The following LSG1 variants were observed in gnomAD, a reference collection of about 807,000 sequenced individuals.
LSG1 encodes the protein large subunit GTPase 1 homolog.
A neutral mutation model predicts 82.6 loss-of-function variants in LSG1; 55 were observed. That is an observed-to-expected ratio of 0.67 (90% CI 0.54 to 0.83). LSG1 has a LOEUF of 0.83. Ranked by LOEUF, LSG1 falls within the 40% of genes least tolerant of loss-of-function variation. The pLI, the probability that LSG1 is intolerant of heterozygous loss-of-function variation, is 0.00. For missense variants in LSG1, 809 were observed against 807.9 expected (o/e 1.00, Z -0.02); for synonymous variants, 272 against 282.5 (o/e 0.96, Z 0.37).
At chr3:194,669,874 T>C (rs1719108224) in intron 2 of LSG1, 135 bp downstream of exon 2, 2 of 983,048 alleles carry the variant, frequency 2.0e-6, no homozygotes, top group Non-Finnish European at 3.0e-6. Context: ...GGAGCTGCAG[T>C]GAGCTGATAT....
intron 11 of LSG1, among the ~76,000 whole-genome samples, chr3:194,646,705 G>C (rs369927101): frequency 1.3e-5 from 2 of 152,166 alleles, no homozygotes; most frequent in East Asian, 3.9e-4. Flanking sequence ...ATTTTTAGTA[G>C]AGATGGGGTT....
intron 7 of LSG1, among the ~76,000 whole-genome samples, chr3:194,653,761 T>C (rs1043843162): frequency 1.3e-5 from 2 of 152,044 alleles, no homozygotes; most frequent in African/African-American, 4.8e-5. Flanking sequence ...CTAGGCCGGG[T>C]GCTACGGCTC....
chr3:194,662,180 G>C (rs936547629), intron 5 of LSG1, among the ~76,000 whole-genome samples: 5 of 152,232 alleles, frequency 3.3e-5, no homozygotes, highest in African/African-American at 1.2e-4. Context: ...TGAACAGTGA[G>C]CTCATAGGTC....
intron 11 of LSG1, among the ~76,000 whole-genome samples, chr3:194,646,777 T>G (rs1718563348): frequency 6.6e-6 from 1 of 152,218 alleles, no homozygotes; most frequent in Admixed American, 6.5e-5. Context: ...CACTTCGGCC[T>G]CCCAAAGTGC....
At chr3:194,652,614 G>T in intron 8 of LSG1, 115 bp downstream of exon 8, 1 of 1,132,254 alleles carries the variant, frequency 8.8e-7, no homozygotes, top group Non-Finnish European at 1.3e-6. Context: ...CAACAAGAGG[G>T]CAATGTTCCC....
intron 7 of LSG1, among the ~76,000 whole-genome samples, chr3:194,656,080 C>A (rs1225618813): frequency 6.6e-6 from 1 of 152,022 alleles, no homozygotes; most frequent in African/African-American, 2.4e-5. Flanking sequence ...CCATTCAGGA[C>A]ACAGGCATGG....
Position 194,659,002 on chromosome 3 carries a change from G to A in LSG1, c.714C>T (p.Phe238=). The A allele has an allele frequency of 6.2e-7, 1 of 1,614,216 alleles. No individual in the cohort carries two copies. Among genetic ancestry groups the A allele is most frequent in the South Asian group, 1.1e-5 (1 of 91,080 alleles). Residue 238 remains phenylalanine (F), a synonymous_variant, in exon 7 of 14, where the codon TTC becomes TTT. Transcript: ENST00000265245. ...YFEKEDVKVI[F]WSALAGAIPL... is the part of the protein sequence containing the mutation. Reference sequence around the variant, plus strand: ...GAATGGCTCCGGCCAAAGCTGACCAGAAAATAACCTTCACATCTTCTTTTT... The same window carrying A: ...GAATGGCTCCGGCCAAAGCTGACCAAAAAATAACCTTCACATCTTCTTTTT...
chr3:194,651,315 G>T, intron 8 of LSG1, 99 bp from the exon 9 acceptor site: 1 of 773,152 alleles, frequency 1.3e-6, no homozygotes, highest in Middle Eastern at 2.6e-4. Flanking sequence ...ATAAGCATCT[G>T]GTTACTTTAG....
chr3:194,646,037 A>G, intron 12 of LSG1, 127 bp downstream of exon 12: 7 of 892,774 alleles, frequency 7.8e-6, no homozygotes, highest in Non-Finnish European at 1.3e-5. Context: ...ACCCTACATC[A>G]AGAACACAAC....
rs186185136 is a variant in LSG1, at chr3:194,644,961, A to G, written c.1624-215T>C. 5.5e-4 allele frequency: 216 copies of G among 393,746 alleles called. 1 individual carries two copies. Among genetic ancestry groups the G allele is most frequent in the African/African-American group, 4.3e-3 (211 of 49,030 alleles). 24.4% of individuals were successfully genotyped at this position (393,746 alleles called of 1,614,324 possible). On this transcript the variant is annotated intron_variant, in intron 12 of 13. Transcript: ENST00000265245. ...CCTAGCTCTTCCCATGGCGCCCCAG[A>G]CTAGGATGAAATCTCTTTCTTCTTT...
In LSG1 at chr3:194,645,585, C is replaced by CACACAGACAG. The variant is rs1560219886; in HGVS notation, c.1623+578_1623+579insCTGTCTGTGT. 9.9e-4 allele frequency among the ~76,000 whole-genome samples: 74 copies of CACACAGACAG among 74,722 alleles called. 6 individuals carry two copies. The highest frequency in any genetic ancestry group is 5.8e-3 in the South Asian group (14 of 2,426). The allele number at this position is 74,722 out of a possible 152,430, so 49.0% of individuals were successfully genotyped here. ...ACACACACACAGACAGACACACACA[C>CACACAGACAG]ACACACACACACACACACACACACA... is the stretch of plus-strand genomic sequence containing the variant. On this transcript the variant is annotated intron_variant, in intron 12 of 13. Transcript: ENST00000265245.
chr3:194,667,942 A>AAATAT (rs1416407494), intron 2 of LSG1, among the ~76,000 whole-genome samples: 1 of 86,962 alleles, frequency 1.1e-5, no homozygotes, highest in Non-Finnish European at 2.0e-5. Context: ...AAAAAAAAAA[A>AAATAT]ATATATATAT....
chr3:194,659,955 G>C (rs1238066377), intron 6 of LSG1, 118 bp downstream of exon 6: 10 of 789,872 alleles, frequency 1.3e-5, no homozygotes, highest in Non-Finnish European at 2.0e-5. Context: ...AGGAGGGAAG[G>C]CCTCACTAAA....
intron 7 of LSG1, among the ~76,000 whole-genome samples, chr3:194,657,643 A>C (rs1320250661): frequency 6.6e-6 from 1 of 152,086 alleles, no homozygotes; most frequent in African/African-American, 2.4e-5. Flanking sequence ...TAACGTATTC[A>C]ATTAGGTGTG....
chr3:194,665,783 C>T (rs538287186), intron 4 of LSG1, 140 bp from the exon 5 acceptor site: 10 of 572,408 alleles, frequency 1.7e-5, no homozygotes, highest in African/African-American at 1.5e-4. Context: ...ATATTTCCTG[C>T]TGAGACACCA....
intron 2 of LSG1, among the ~76,000 whole-genome samples, chr3:194,669,298 T>C (rs764259843): frequency 1.3e-5 from 2 of 152,248 alleles, no homozygotes; most frequent in Non-Finnish European, 2.9e-5. Flanking sequence ...AACGTCACAC[T>C]ATATACTATA....
intron 13 of LSG1, among the ~76,000 whole-genome samples, 166 bp downstream of exon 13, chr3:194,644,407 T>A (rs1371789666): frequency 0.016 from 2,331 of 145,134 alleles, 123 homozygotes; most frequent in African/African-American, 0.057. Flanking sequence ...AATAAATAAA[T>A]AAATAAATAA....
In LSG1 at chr3:194,653,255, C is replaced by T. The variant is rs1014419225; in HGVS notation, c.760-113G>A. 4.5e-6 allele frequency: 5 copies of T among 1,123,402 alleles called. No individual in the cohort carries two copies. The African/African-American group carries it at 7.8e-5, about 17-fold the overall frequency. The allele number at this position is 1,123,402 out of a possible 1,614,324, so 69.6% of individuals were successfully genotyped here. A position where few individuals can be genotyped will look rare whatever the true frequency, so the allele number is the denominator to read the frequency against. ...GATGGCTGGGCGTGGTGGCTCAAGC[C>T]TGTAATCCCAGCACTTTGGGAGGCC... On this transcript the variant is annotated intron_variant, in intron 7 of 13. Transcript: ENST00000265245.
intron 13 of LSG1, 78 bp from the exon 14 acceptor site, chr3:194,642,325 T>C (rs543843263): frequency 2.7e-5 from 34 of 1,258,840 alleles, no homozygotes; most frequent in African/African-American, 1.4e-4. Flanking sequence ...TATTAGTGGA[T>C]CACTTCAAGA....
Sources: gnomAD v4.1 joint callset for allele counts (sites outside exome capture counted in the v4.1 genomes callset) on GRCh38, gnomAD v4.1.1 for gene constraint, MANE v1.5 for transcripts, NCBI Gene and HGNC (gene_info 2026-07-23, HGNC 2026-07-21) for gene names.